GRIK4: variants seen among roughly 807,000 people sequenced by gnomAD.
GRIK4 encodes glutamate ionotropic receptor kainate type subunit 4, also known as glutamate receptor ionotropic, kainate 4.
A neutral mutation model predicts 104.9 loss-of-function variants in GRIK4; 40 were observed. The ratio of observed to expected loss-of-function variants is 0.38; its 90% CI spans 0.30 to 0.50. GRIK4 has a LOEUF of 0.50. Ranked by LOEUF, GRIK4 falls within the 20% of genes least tolerant of loss-of-function variation. The probability of loss-of-function intolerance (pLI) is 0.93; values close to 1 mark genes in which losing one functional copy is unlikely to be tolerated. For missense variants in GRIK4, 1,047 were observed against 1,308.1 expected (o/e 0.80, Z 3.08); for synonymous variants, 485 against 524.9 (o/e 0.92, Z 1.04).
At chr11:120,528,823 A>G (rs1347645599) in intron 1 of GRIK4, among the ~76,000 whole-genome samples, 2 of 152,196 alleles carry the variant, frequency 1.3e-5, no homozygotes. Context: ...ACCTGCCTCC[A>G]TGATTCAATG....
At chr11:120,636,865 T>C (rs1489475066) in intron 1 of GRIK4, among the ~76,000 whole-genome samples, 5 of 150,170 alleles carry the variant, frequency 3.3e-5, no homozygotes, top group Admixed American at 3.3e-4. Flanking sequence ...GAAGGAAGAG[T>C]TCTACTCTCT....
chr11:120,659,532 A>C (rs78641307), intron 2 of GRIK4, among the ~76,000 whole-genome samples: 13,267 of 152,164 alleles, frequency 0.087, 1,367 homozygotes, highest in African/African-American at 0.25. Flanking sequence ...ATGTGAGGAC[A>C]CTGAGCCGAG....
chr11:120,928,237 A>C (rs1478082194), intron 13 of GRIK4, among the ~76,000 whole-genome samples: 1 of 146,912 alleles, frequency 6.8e-6, no homozygotes, highest in African/African-American at 2.5e-5. Flanking sequence ...AAAAGCTAGA[A>C]GGCGACACGG....
chr11:120,952,728 C>T lies in GRIK4; in HGVS notation c.1591-127C>T. 1 of 736,430 alleles carries T rather than the reference C, an allele frequency of 1.4e-6. No individual in the cohort carries two copies. The highest frequency in any genetic ancestry group is 2.5e-6 in the Non-Finnish European group (1 of 405,274). 45.6% of individuals were successfully genotyped at this position (736,430 alleles called of 1,614,324 possible). A position where few individuals can be genotyped will look rare whatever the true frequency, so the allele number is the denominator to read the frequency against. ...CCCAGTGTCATTTAAACCAATCACC[C>T]AGAACCCACAGAAATGGGAACTGGG... On this transcript the variant is annotated intron_variant, in intron 14 of 20. Transcript: ENST00000527524. The surrounding 1 kb of genome is among the most constrained non-coding windows in gnomAD (Gnocchi z 5.2).
chr11:120,529,456 A>G (rs1357921277), intron 1 of GRIK4, among the ~76,000 whole-genome samples: 1 of 152,206 alleles, frequency 6.6e-6, no homozygotes, highest in African/African-American at 2.4e-5. Context: ...TACAGGGACG[A>G]GCCTAGAGCC....
Position 120,967,950 on chromosome 11 carries a change from T to C in GRIK4, c.2395+627T>C, listed in dbSNP as rs1196103545. 5.9e-5 allele frequency among the ~76,000 whole-genome samples: 9 copies of C among 152,126 alleles called. No homozygotes were observed. The highest frequency in any genetic ancestry group is 2.2e-4 in the African/African-American group (9 of 41,422). ...ACCCTACACATTTCTCTCCATCACCTTAACCCCACCTTATTTCCCTTCTCA... is the reference window on the plus strand; with the variant it reads ...ACCCTACACATTTCTCTCCATCACCCTAACCCCACCTTATTTCCCTTCTCA... On this transcript the variant is annotated intron_variant, in intron 19 of 20. Transcript: ENST00000527524. The surrounding 1 kb of genome is among the most constrained non-coding windows in gnomAD (Gnocchi z 4.2).
At chr11:120,754,176 G>A (rs746529891) in intron 3 of GRIK4, among the ~76,000 whole-genome samples, 1 of 152,084 alleles carries the variant, frequency 6.6e-6, no homozygotes, top group Non-Finnish European at 1.5e-5. Flanking sequence ...GATTACAGGC[G>A]CCCGCCACCG....
chr11:120,796,087 G>A (rs1952508590), intron 3 of GRIK4, among the ~76,000 whole-genome samples: 1 of 148,918 alleles, frequency 6.7e-6, no homozygotes, highest in African/African-American at 2.5e-5. Flanking sequence ...CAAGGCCGGA[G>A]TGCAGTGGCG....
intron 8 of GRIK4, among the ~76,000 whole-genome samples, chr11:120,848,036 T>C (rs969278267): frequency 2.0e-5 from 3 of 152,152 alleles, no homozygotes; most frequent in Admixed American, 1.3e-4. Context: ...ATCTGAAAGG[T>C]GAACTTTATT....
At chr11:120,626,435 A>C (rs1462731304) in intron 1 of GRIK4, among the ~76,000 whole-genome samples, 3 of 152,080 alleles carry the variant, frequency 2.0e-5, no homozygotes, top group Non-Finnish European at 4.4e-5. Flanking sequence ...GCGCTTCCCT[A>C]CCCTTAGACG....
intron 3 of GRIK4, among the ~76,000 whole-genome samples, chr11:120,664,010 A>C (rs1277128413): frequency 6.6e-6 from 1 of 152,114 alleles, no homozygotes; most frequent in African/African-American, 2.4e-5. Flanking sequence ...TAGACTCTGA[A>C]CTCCATGGGA....
intron 12 of GRIK4, 34 bp downstream of exon 12, chr11:120,898,673 A>T (rs57151589): frequency 0.18 from 219,481 of 1,220,890 alleles, 23,799 homozygotes; most frequent in East Asian, 0.46. Flanking sequence ...CAGCTGCAGC[A>T]TCCTGGGGTG....
At chr11:120,835,060 A>G (rs1312540511) in intron 7 of GRIK4, among the ~76,000 whole-genome samples, 1 of 152,206 alleles carries the variant, frequency 6.6e-6, no homozygotes, top group African/African-American at 2.4e-5. Context: ...GAAGGAGGAA[A>G]TATAGCTTGG....
intron 16 of GRIK4, among the ~76,000 whole-genome samples, chr11:120,958,026 G>A (rs751997400): frequency 1.3e-4 from 20 of 152,246 alleles, no homozygotes; most frequent in Non-Finnish European, 2.5e-4. Flanking sequence ...AGGTCTCCAG[G>A]AAGAGGGATG....
chr11:120,869,002 T>G (rs1592010189), intron 9 of GRIK4: 1 of 152,220 alleles, frequency 6.6e-6, no homozygotes, highest in Non-Finnish European at 1.5e-5. Context: ...GGGAGAAAGA[T>G]GCTTTGGGAT....
chr11:120,882,290 T>C (rs1233689769), intron 11 of GRIK4, among the ~76,000 whole-genome samples: 2 of 152,198 alleles, frequency 1.3e-5, no homozygotes, highest in East Asian at 3.9e-4. Flanking sequence ...TACTGTCTAA[T>C]ACATTTTCAA....
At chr11:120,834,842 C>G (rs983658937) in intron 7 of GRIK4, among the ~76,000 whole-genome samples, 3 of 152,236 alleles carry the variant, frequency 2.0e-5, no homozygotes, top group Admixed American at 1.3e-4. Flanking sequence ...CAGCAGATTT[C>G]ACAAAGCGGG....
At chr11:120,795,004 G>A (rs569569675) in intron 3 of GRIK4, among the ~76,000 whole-genome samples, 8 of 152,206 alleles carry the variant, frequency 5.3e-5, no homozygotes, top group Non-Finnish European at 7.4e-5. Flanking sequence ...CTGGGCCTCC[G>A]AGAGTGAGCA....
At chr11:120,591,951 G>A (rs1239814619) in intron 1 of GRIK4, among the ~76,000 whole-genome samples, 2 of 152,152 alleles carry the variant, frequency 1.3e-5, no homozygotes, top group Non-Finnish European at 2.9e-5. Flanking sequence ...TTGAGCAGAT[G>A]TGTATCAGTG....
Sources: allele counts gnomAD v4.1 joint callset (sites outside exome capture counted in the v4.1 genomes callset), GRCh38; gene constraint gnomAD v4.1.1; non-coding constraint Gnocchi (gnomAD v3.1); transcripts MANE v1.5; gene names NCBI Gene and HGNC (gene_info 2026-07-23, HGNC 2026-07-21).